The following OLA1 variants were observed in gnomAD, a reference collection of about 807,000 sequenced individuals.
OLA1 encodes the protein obg-like ATPase 1.
Under a neutral mutation model 48.4 loss-of-function variants are expected in OLA1, and 14 were observed. That is an observed-to-expected ratio of 0.29 (90% CI 0.19 to 0.45). The LOEUF (loss-of-function observed/expected upper bound fraction) is 0.45, where lower values mean the gene tolerates loss of function less well. OLA1 is among the 20% of genes least tolerant of loss of function. The probability of loss-of-function intolerance (pLI) is 1.00; values close to 1 mark genes in which losing one functional copy is unlikely to be tolerated. For missense variants in OLA1, 325 were observed against 467.1 expected (o/e 0.70, Z 2.80); for synonymous variants, 127 against 150.4 (o/e 0.84, Z 1.14).
At chr2:174,147,366 G>A (rs1686630834) in intron 4 of OLA1, among the ~76,000 whole-genome samples, 1 of 152,120 alleles carries the variant, frequency 6.6e-6, no homozygotes, top group South Asian at 2.1e-4. Flanking sequence ...GGCAGAGGTT[G>A]CGGTGAGCCG....
chr2:174,139,736 G>A (rs887608935), intron 5 of OLA1, among the ~76,000 whole-genome samples: 1 of 151,912 alleles, frequency 6.6e-6, no homozygotes, highest in Non-Finnish European at 1.5e-5. Flanking sequence ...GTGGTGGCAT[G>A]CACCTGTAGT....
intron 4 of OLA1, among the ~76,000 whole-genome samples, chr2:174,185,464 C>T (rs567545784): frequency 6.6e-6 from 1 of 152,260 alleles, no homozygotes; most frequent in East Asian, 1.9e-4. Flanking sequence ...CTATAAATAA[C>T]CACTGTCAAC....
chr2:174,206,581 C>T (rs1354720575), intron 4 of OLA1, among the ~76,000 whole-genome samples: 4 of 149,648 alleles, frequency 2.7e-5, no homozygotes, highest in Non-Finnish European at 5.9e-5. Context: ...ACAAATGCCT[C>T]AATCACCAAT....
chr2:174,234,892 C>T (rs941521680), intron 2 of OLA1, among the ~76,000 whole-genome samples: 1 of 152,142 alleles, frequency 6.6e-6, no homozygotes, highest in African/African-American at 2.4e-5. Context: ...GGCATGGTAG[C>T]CCAAGCCTGT....
chr2:174,123,122 G>T (rs1301098296), intron 7 of OLA1, 58 bp downstream of exon 7: 1 of 764,198 alleles, frequency 1.3e-6, no homozygotes, highest in African/African-American at 1.8e-5. Context: ...ATGTGGGTGT[G>T]TGTTTGTGTG....
chr2:174,191,347 T>G (rs890628702), intron 4 of OLA1, among the ~76,000 whole-genome samples: 1 of 152,184 alleles, frequency 6.6e-6, no homozygotes, highest in African/African-American at 2.4e-5. Context: ...TCTCCTTTAT[T>G]TCAGAAAAGT....
At chr2:174,128,063 T>A (rs912670427) in intron 5 of OLA1, among the ~76,000 whole-genome samples, 1 of 151,662 alleles carries the variant, frequency 6.6e-6, no homozygotes, top group African/African-American at 2.4e-5. Flanking sequence ...ATTAGAATAG[T>A]ATGACACTGG....
intron 4 of OLA1, among the ~76,000 whole-genome samples, chr2:174,205,880 A>G (rs1410455504): frequency 6.6e-6 from 1 of 152,182 alleles, no homozygotes; most frequent in African/African-American, 2.4e-5. Context: ...TATTTTGACC[A>G]GTCCTGCAAC....
At chr2:174,084,637 C>T (rs1240449397) in intron 7 of OLA1, among the ~76,000 whole-genome samples, 2 of 152,162 alleles carry the variant, frequency 1.3e-5, no homozygotes, top group Non-Finnish European at 2.9e-5. Context: ...CAAATCTGAA[C>T]CCCATGGGGA....
At position 174,076,420 on chromosome 2, in the gene OLA1, G is replaced by A. The variant is rs115868641; in HGVS notation, c.1090-893C>T. On this transcript the variant is annotated intron_variant, in intron 10 of 10. Coordinates refer to ENST00000284719, the MANE Select transcript of OLA1 (RefSeq NM_013341.5). ...ACAATAAGGACTTGAGGATCTTTTG[G>A]GGGAAATTCTCAAAAGTTTTTCCCT... Among the ~76,000 whole-genome samples the A allele has an allele frequency of 3.1e-3, 466 of 152,200 alleles. 2 individuals are homozygous for A. Among genetic ancestry groups the A allele is most frequent in the Non-Finnish European group, 3.6e-3 (245 of 67,994 alleles).
At chr2:174,089,013 C>A (rs1685045720) in intron 7 of OLA1, among the ~76,000 whole-genome samples, 2 of 152,116 alleles carry the variant, frequency 1.3e-5, no homozygotes, top group Admixed American at 1.3e-4. Context: ...CTTTGCTACG[C>A]AAAGTGTGAT....
chr2:174,123,096 G>T, intron 7 of OLA1, 84 bp downstream of exon 7: 1 of 632,954 alleles, frequency 1.6e-6, no homozygotes, highest in Non-Finnish European at 2.8e-6. Context: ...ATTAAACATT[G>T]CCGTTAAGTA....
At chr2:174,134,266 T>C (rs1686250698) in intron 5 of OLA1, among the ~76,000 whole-genome samples, 1 of 152,240 alleles carries the variant, frequency 6.6e-6, no homozygotes, top group Non-Finnish European at 1.5e-5. Context: ...TCATTTTTTT[T>C]CTTTCCCCAG....
At chr2:174,141,264 C>G (rs1019006798) in intron 5 of OLA1, among the ~76,000 whole-genome samples, 1 of 152,308 alleles carries the variant, frequency 6.6e-6, no homozygotes, top group Middle Eastern at 3.4e-3. Context: ...AAAGACAATT[C>G]AATCATATGT....
chr2:174,219,006 T>TTTTTTTTTTTTTTG (rs57416373), intron 4 of OLA1, among the ~76,000 whole-genome samples: 1 of 135,802 alleles, frequency 7.4e-6, no homozygotes, highest in African/African-American at 2.9e-5. Context: ...TTTTTTTTTT[T>TTTTTTTTTTTTTTG]GTAGCAATGT....
At chr2:174,110,306 T>TC (rs1685618187) in intron 7 of OLA1, among the ~76,000 whole-genome samples, 1 of 145,394 alleles carries the variant, frequency 6.9e-6, no homozygotes, top group Non-Finnish European at 1.5e-5. Context: ...GCTTGGATTT[T>TC]TTTTTTTTTT....
intron 4 of OLA1, among the ~76,000 whole-genome samples, chr2:174,205,518 T>C (rs1688092139): frequency 6.6e-6 from 1 of 152,200 alleles, no homozygotes. Context: ...GTGGATACAG[T>C]TGTCCTTTTC....
At chr2:174,226,777 G>A (rs188942057) in intron 3 of OLA1, among the ~76,000 whole-genome samples, 28 of 152,236 alleles carry the variant, frequency 1.8e-4, no homozygotes, top group Admixed American at 3.3e-4. Context: ...GGGATCACAG[G>A]CTTGAGCCAC....
rs907584253 is a variant in OLA1, at chr2:174,172,245, A to T, written c.374-30245T>A. ...CCGTGGTGGAGTTCCAGTTCAAGGC[A>T]GTAAATATGCAGCCAACTGTACCTT... On this transcript the variant is annotated intron_variant, in intron 4 of 10. Coordinates refer to ENST00000284719, the MANE Select transcript of OLA1 (RefSeq NM_013341.5). 12 of 210,638 alleles carry T rather than the reference A, an allele frequency of 5.7e-5. 1 individual carries two copies. In the East Asian group the frequency reaches 1.4e-3, roughly 24 times the overall value. The allele number at this position is 210,638 out of a possible 1,614,324, so 13.0% of individuals were successfully genotyped here.
Sources: gnomAD v4.1 joint callset for allele counts (sites outside exome capture counted in the v4.1 genomes callset) on GRCh38, gnomAD v4.1.1 for gene constraint, MANE v1.5 for transcripts, NCBI Gene and HGNC (gene_info 2026-07-23, HGNC 2026-07-21) for gene names.